IL1RAPL1: variants seen among roughly 807,000 people sequenced by gnomAD.
IL1RAPL1 encodes interleukin 1 receptor accessory protein like 1.
In IL1RAPL1, 3 loss-of-function variants were observed where a neutral mutation model predicts 48.4. The ratio of observed to expected loss-of-function variants is 0.06; its 90% confidence interval spans 0.03 to 0.16. The LOEUF (loss-of-function observed/expected upper bound fraction) is 0.16. Among genes scored for constraint, IL1RAPL1 ranks in the 10% least tolerant of loss-of-function variants. The pLI, the probability that IL1RAPL1 is intolerant of heterozygous loss-of-function variation, is 1.00. For synonymous variants in IL1RAPL1, 185 were observed against 187.7 expected, an observed-to-expected ratio of 0.99 and a Z score of 0.12; for missense variants, 349 against 530.6, an observed-to-expected ratio of 0.66 and a Z score of 3.36.
rs774124435 is a variant in IL1RAPL1, at chrX:29,327,910, A to T, written c.362+44693A>T. Among the ~76,000 whole-genome samples the T allele has an allele frequency of 1.0e-3, 116 of 111,837 alleles. 1 individual carries two copies. The highest frequency in any genetic ancestry group is 3.7e-3 in the African/African-American group (113 of 30,859). ...AATATGTAAACAAATAGGTATGATTATGTTGCAATAAAACTATATTTATGA... is the reference window on the plus strand; with the variant it reads ...AATATGTAAACAAATAGGTATGATTTTGTTGCAATAAAACTATATTTATGA... On this transcript the variant is annotated intron_variant, in intron 3 of 10. Coordinates refer to ENST00000378993, the MANE Select transcript of IL1RAPL1 (RefSeq NM_014271.4).
chrX:29,886,617 T>C (rs1294729198), intron 6 of IL1RAPL1, among the ~76,000 whole-genome samples: 1 of 112,328 alleles, frequency 8.9e-6, no homozygotes, highest in Non-Finnish European at 1.9e-5. Flanking sequence ...TTAATGACAA[T>C]TGAATATGTT....
chrX:29,649,569 CAAATTAGGTATAG>C (rs751598317), intron 5 of IL1RAPL1, among the ~76,000 whole-genome samples: 98 of 111,355 alleles, frequency 8.8e-4, no homozygotes, highest in African/African-American at 3.1e-3. Context: ...AAACTCTCAA[CAAATTAGGTATAG>C]AAATTAGGTA....
intron 2 of IL1RAPL1, among the ~76,000 whole-genome samples, chrX:29,255,186 T>C (rs1358328502): frequency 1.8e-5 from 2 of 109,024 alleles, no homozygotes; most frequent in East Asian, 5.7e-4. Flanking sequence ...TATTTGTTCT[T>C]CTAAAACTAT....
chrX:28,714,887 A>T (rs781381675), intron 1 of IL1RAPL1, among the ~76,000 whole-genome samples: 1 of 111,823 alleles, frequency 8.9e-6, no homozygotes, highest in Admixed American at 9.5e-5. Flanking sequence ...TAAACATTAG[A>T]TCATATTAAA....
chrX:28,718,249 A>G (rs1601871370), intron 1 of IL1RAPL1, among the ~76,000 whole-genome samples: 1 of 110,962 alleles, frequency 9.0e-6, no homozygotes, highest in African/African-American at 3.3e-5. Context: ...TTAGAAAAAA[A>G]CTCTCTGATG....
chrX:29,347,390 C>CTT (rs778833024), intron 3 of IL1RAPL1, among the ~76,000 whole-genome samples: 9 of 96,466 alleles, frequency 9.3e-5, no homozygotes, highest in African/African-American at 3.5e-4. Flanking sequence ...CTTTTCTTTT[C>CTT]TTTTTTTTTT....
At chrX:29,028,288 G>GT (rs1926533723) in intron 2 of IL1RAPL1, among the ~76,000 whole-genome samples, 1 of 89,805 alleles carries the variant, frequency 1.1e-5, no homozygotes, top group South Asian at 5.1e-4. Flanking sequence ...TGTTTTTTTT[G>GT]TTTGTTTTTT....
Position 28,609,664 on chromosome X carries a change from A to ACACACAC in IL1RAPL1, c.-25+21619_-25+21620insCACACCA, listed in dbSNP as rs1569137648. Among the ~76,000 whole-genome samples the ACACACAC allele has an allele frequency of 9.2e-3, 649 of 70,690 alleles. 4 individuals are homozygous for ACACACAC. Among genetic ancestry groups the ACACACAC allele is most frequent in the African/African-American group, 0.031 (587 of 18,817 alleles). 61.4% of individuals were successfully genotyped at this position (70,690 alleles called of 115,157 possible). On this transcript the variant is annotated intron_variant, in intron 1 of 10. Coordinates refer to ENST00000378993, the MANE Select transcript of IL1RAPL1 (RefSeq NM_014271.4). ...ACACACACACACACACACACACACAACATACCTACCTCTCTGATATATGCT... is the reference window on the plus strand; with the variant it reads ...ACACACACACACACACACACACACAACACACACCATACCTACCTCTCTGATATATGCT...
intron 1 of IL1RAPL1, among the ~76,000 whole-genome samples, chrX:28,638,246 G>T (rs1403352261): frequency 9.0e-6 from 1 of 111,401 alleles, no homozygotes; most frequent in Non-Finnish European, 1.9e-5. Context: ...CAGAATTAAG[G>T]ACCTGGAATA....
At position 28,656,982 on chromosome X, in the gene IL1RAPL1, G is replaced by A. The variant is rs747463543; in HGVS notation, c.-25+68935G>A. ...GCGGAGCTTGCAGTGAGCTGAGATC[G>A]CGCCATTGCATTCCAGCCTGGGCAA... On this transcript the variant is annotated intron_variant, in intron 1 of 10. Transcript: ENST00000378993. Among the ~76,000 whole-genome samples, 15 of 102,442 alleles carry A rather than the reference G, an allele frequency of 1.5e-4. No individual in the cohort carries two copies. The South Asian group carries it at 4.3e-3, about 29-fold the overall frequency. 89.0% of individuals were successfully genotyped at this position (102,442 alleles called of 115,157 possible).
intron 1 of IL1RAPL1, among the ~76,000 whole-genome samples, chrX:28,747,226 C>G (rs746579508): frequency 2.0e-4 from 22 of 111,463 alleles, no homozygotes; most frequent in African/African-American, 6.8e-4. Context: ...ATTTATAATA[C>G]TATTTTCTTC....
At chrX:29,454,068 A>G (rs1369536251) in intron 5 of IL1RAPL1, among the ~76,000 whole-genome samples, 2 of 112,218 alleles carry the variant, frequency 1.8e-5, no homozygotes, top group African/African-American at 6.5e-5. Flanking sequence ...TCAATGGACT[A>G]TCCCAAATGC....
intron 6 of IL1RAPL1, among the ~76,000 whole-genome samples, chrX:29,811,833 C>A (rs989598752): frequency 8.9e-6 from 1 of 111,957 alleles, no homozygotes; most frequent in Non-Finnish European, 1.9e-5. Flanking sequence ...TAACCAAAAT[C>A]TTTATAATTG....
intron 2 of IL1RAPL1, 49 bp downstream of exon 2, chrX:28,789,474 T>C: frequency 1.1e-6 from 1 of 884,800 alleles, no homozygotes; most frequent in South Asian, 2.0e-5. Flanking sequence ...CTTAAAGTGA[T>C]AGTGCTACAT....
At chrX:28,676,742 A>C (rs1935002217) in intron 1 of IL1RAPL1, among the ~76,000 whole-genome samples, 1 of 109,484 alleles carries the variant, frequency 9.1e-6, no homozygotes, top group Non-Finnish European at 1.9e-5. Context: ...GAAAAAAAAA[A>C]AAACCAACAA....
chrX:29,494,179 G>T (rs111730389), intron 5 of IL1RAPL1, among the ~76,000 whole-genome samples: 5 of 111,921 alleles, frequency 4.5e-5, no homozygotes, highest in African/African-American at 1.3e-4. Flanking sequence ...GGGATTACAG[G>T]CGTAAGCCAC....
At chrX:29,878,812 G>A (rs1931962962) in intron 6 of IL1RAPL1, among the ~76,000 whole-genome samples, 1 of 111,395 alleles carries the variant, frequency 9.0e-6, no homozygotes, top group African/African-American at 3.3e-5. Flanking sequence ...GTATTTTTTA[G>A]TGTTTGGTTT....
intron 2 of IL1RAPL1, among the ~76,000 whole-genome samples, chrX:28,985,760 C>A (rs1477276231): frequency 9.3e-6 from 1 of 107,223 alleles, no homozygotes; most frequent in Non-Finnish European, 1.9e-5. Flanking sequence ...CCCGGGTTCA[C>A]GCCATTCTCC....
chrX:29,696,415 C>A (rs971329469), intron 6 of IL1RAPL1, among the ~76,000 whole-genome samples: 19 of 112,086 alleles, frequency 1.7e-4, no homozygotes, highest in African/African-American at 5.8e-4. Flanking sequence ...TCATATTTCA[C>A]ATATAACAAA....
Sources: allele counts gnomAD v4.1 joint callset (sites outside exome capture counted in the v4.1 genomes callset), GRCh38; gene constraint gnomAD v4.1.1; transcripts MANE v1.5; gene names NCBI Gene and HGNC (gene_info 2026-07-23, HGNC 2026-07-21).